Variants in PCCB observed in about 807,000 individuals in gnomAD.
The protein encoded by PCCB is propionyl-CoA carboxylase subunit beta, also known as propionyl-CoA carboxylase beta chain, mitochondrial.
Under a neutral mutation model 60.7 loss-of-function variants are expected in PCCB, and 43 were observed. The observed-to-expected ratio is 0.71, with a 90% CI of 0.55 to 0.91. The LOEUF is 0.91. Among genes scored for constraint, PCCB ranks in the 40% least tolerant of loss-of-function variants. PCCB has a pLI of 0.00. For synonymous variants in PCCB, 276 were observed against 255.9 expected (o/e 1.08, Z -0.75); for missense variants, 766 against 702.8 (o/e 1.09, Z -1.02).
intron 6 of PCCB, among the ~76,000 whole-genome samples, chr3:136,286,426 G>T (rs184969874): frequency 6.6e-6 from 1 of 152,024 alleles, no homozygotes; most frequent in African/African-American, 2.4e-5. Context: ...GACTTTAATG[G>T]GTATCTCAAA....
chr3:136,277,684 C>T (rs1269816196), intron 5 of PCCB, among the ~76,000 whole-genome samples: 1 of 152,148 alleles, frequency 6.6e-6, no homozygotes, highest in African/African-American at 2.4e-5. Flanking sequence ...GAAGAGATCG[C>T]ACAGTGTGTG....
rs551165301 is a variant in PCCB, at chr3:136,265,858, C to T, written c.543+3793C>T. ...TTTTTTTTTTTGAGACAGAGTCTTG[C>T]CCTGTCGCCCAGGCTGGAGTGCAGT... On this transcript the variant is annotated intron_variant, in intron 5 of 14. Transcript: ENST00000251654. 1.2e-4 allele frequency among the ~76,000 whole-genome samples: 18 copies of T among 150,562 alleles called. No homozygotes were observed. The South Asian group carries it at 3.8e-3, about 32-fold the overall frequency.
At chr3:136,311,524 A>G (rs1934666527) in intron 9 of PCCB, among the ~76,000 whole-genome samples, 1 of 151,654 alleles carries the variant, frequency 6.6e-6, no homozygotes, top group African/African-American at 2.4e-5. Flanking sequence ...TTTTTTTTGT[A>G]GGAAGAATTC....
At position 136,264,430 on chromosome 3, in the gene PCCB, ATG is replaced by A. The variant is rs144141514; in HGVS notation, c.543+2375_543+2376del. Among the ~76,000 whole-genome samples, 20 of 129,334 alleles carry A rather than the reference ATG, an allele frequency of 1.5e-4. 1 individual carries two copies. The highest frequency in any genetic ancestry group is 4.8e-4 in the South Asian group (2 of 4,124). 84.8% of individuals were successfully genotyped at this position (129,334 alleles called of 152,430 possible). On this transcript the variant is annotated intron_variant, in intron 5 of 14. Transcript: ENST00000251654. ...CTTTCTGTCTCTGTCTCTCATATAT[ATG>A]TGTGTGTGTATATATGTATATATAT...
intron 1 of PCCB, among the ~76,000 whole-genome samples, chr3:136,255,024 A>C (rs1941631654): frequency 6.6e-6 from 1 of 151,810 alleles, no homozygotes; most frequent in East Asian, 1.9e-4. Flanking sequence ...AGACAGGCGC[A>C]TGCCACCACA....
At chr3:136,267,045 G>A (rs1276839407) in intron 5 of PCCB, among the ~76,000 whole-genome samples, 1 of 152,096 alleles carries the variant, frequency 6.6e-6, no homozygotes, top group Non-Finnish European at 1.5e-5. Flanking sequence ...ACCACGTCCA[G>A]CTAATTTCTT....
chr3:136,322,846 T>C (rs1019674511), intron 10 of PCCB, among the ~76,000 whole-genome samples: 5 of 152,314 alleles, frequency 3.3e-5, no homozygotes, highest in Non-Finnish European at 5.9e-5. Flanking sequence ...TTTTCTCTCA[T>C]TTTTGAAGGA....
Position 136,330,149 on chromosome 3 carries a change from T to A in PCCB, c.*123T>A. On this transcript the variant is annotated 3_prime_UTR_variant, in exon 15 of 15. Transcript: ENST00000251654. ...GTTGGATAACTTAGAATAACTAAGT[T>A]TATTAAATTCTAGAAAGATCTCTTT... The A allele has an allele frequency of 6.4e-7, 1 of 1,554,978 alleles. No homozygotes were observed. The highest frequency in any genetic ancestry group is 8.7e-7 in the Non-Finnish European group (1 of 1,143,612).
chr3:136,264,448 G>GTGTATATATATATATATATATA lies in PCCB; in HGVS notation c.543+2384_543+2385insGTATATATATATATATATATAT, dbSNP rs1015530159. The stretch of plus-strand genomic sequence containing the variant: ...CATATATATGTGTGTGTGTATATAT[G>GTGTATATATATATATATATATA]TATATATATATATGTTCCTCCTGGC... On this transcript the variant is annotated intron_variant, in intron 5 of 14. Transcript: ENST00000251654. Among the ~76,000 whole-genome samples, 49 of 107,290 alleles carry GTGTATATATATATATATATATA rather than the reference G, an allele frequency of 4.6e-4. 1 individual carries two copies. Among genetic ancestry groups the GTGTATATATATATATATATATA allele is most frequent in the African/African-American group, 1.4e-3 (48 of 33,232 alleles). 70.4% of individuals were successfully genotyped at this position (107,290 alleles called of 152,430 possible). A position where few individuals can be genotyped will look rare whatever the true frequency, so the allele number is the denominator to read the frequency against.
rs367976627 is a variant in PCCB, at chr3:136,253,566, G to A, written c.184-2290G>A. Among the ~76,000 whole-genome samples, 94 of 151,408 alleles carry A rather than the reference G, an allele frequency of 6.2e-4. 1 individual carries two copies. In the South Asian group the frequency reaches 0.013, roughly 20 times the overall value. On this transcript the variant is annotated intron_variant, in intron 1 of 14. Transcript: ENST00000251654. Reference sequence around the variant, plus strand: ...CACCTGGCTAATTTTTGTATTTTTAGTAGAGACGGGGTTTCACCATGTTGA... The same window carrying A: ...CACCTGGCTAATTTTTGTATTTTTAATAGAGACGGGGTTTCACCATGTTGA...
chr3:136,290,888 G>T (rs1266379986), intron 6 of PCCB, among the ~76,000 whole-genome samples: 2 of 150,124 alleles, frequency 1.3e-5, no homozygotes, highest in African/African-American at 2.5e-5. Context: ...GTTTTGTTTT[G>T]TTTTTTTTGA....
At position 136,326,881 on chromosome 3, in the gene PCCB, C is replaced by CT. The variant is rs587776758; in HGVS notation, c.1173dup (p.Val392CysfsTer2). 1.3e-5 allele frequency: 21 copies of CT among 1,612,016 alleles called. No individual in the cohort carries two copies. The highest frequency in any genetic ancestry group is 1.6e-4 in the Middle Eastern group (1 of 6,082). ...GATGCATTCAATATTCCACTCATCA[C>CT]TTTTGTTGATGTCCCTGGCTTTCTA... On this transcript the variant is annotated frameshift_variant, in exon 11 of 15. Transcript: ENST00000251654. LOFTEE classifies it high-confidence loss of function.
At chr3:136,311,771 G>A (rs927598456) in intron 9 of PCCB, among the ~76,000 whole-genome samples, 1 of 152,112 alleles carries the variant, frequency 6.6e-6, no homozygotes, top group African/African-American at 2.4e-5. Flanking sequence ...ACCATCCTGG[G>A]CAACATAGTG....
chr3:136,260,286 C>T, intron 3 of PCCB, 193 bp from the exon 4 acceptor site: 1 of 673,220 alleles, frequency 1.5e-6, no homozygotes, highest in South Asian at 1.5e-5. Context: ...CCATGTCGCC[C>T]AGGCTGGTCT....
intron 10 of PCCB, among the ~76,000 whole-genome samples, chr3:136,319,967 C>T (rs917865159): frequency 1.3e-5 from 2 of 152,212 alleles, no homozygotes; most frequent in Non-Finnish European, 2.9e-5. Flanking sequence ...ATTCTTTCCT[C>T]ATTGAACAGG....
At position 136,256,534 on chromosome 3, in the gene PCCB, A is replaced by AT. The variant is rs555567135; in HGVS notation, c.304-16dup. 7 of 1,591,252 alleles carry AT rather than the reference A, an allele frequency of 4.4e-6. No individual in the cohort carries two copies. The highest frequency in any genetic ancestry group is 6.0e-6 in the Non-Finnish European group (7 of 1,159,292). ...GAAGTATTTGGATTTTTTAACCTTT[A>AT]TTTTTGCATTTTTCTGGTAGTTTCC... On this transcript the variant is annotated intron_variant, in intron 2 of 14. Coordinates refer to ENST00000251654, the MANE Select transcript of PCCB (RefSeq NM_000532.5).
At chr3:136,264,230 G>T (rs1941907135) in intron 5 of PCCB, among the ~76,000 whole-genome samples, 1 of 151,716 alleles carries the variant, frequency 6.6e-6, no homozygotes, top group Non-Finnish European at 1.5e-5. Flanking sequence ...TCTTCATTGG[G>T]TATTTCTAAA....
intron 8 of PCCB, among the ~76,000 whole-genome samples, chr3:136,300,754 A>C (rs981322357): frequency 2.0e-5 from 3 of 152,220 alleles, no homozygotes; most frequent in African/African-American, 7.2e-5. Context: ...GGAGGTATTC[A>C]GAGAAGATAA....
intron 5 of PCCB, among the ~76,000 whole-genome samples, chr3:136,262,954 G>GTTT (rs570598390): frequency 4.1e-5 from 5 of 122,870 alleles, no homozygotes; most frequent in Non-Finnish European, 6.8e-5. Flanking sequence ...TCTGGAGGAG[G>GTTT]TTTTTTTTTT....
Sources: gnomAD v4.1 joint callset for allele counts (sites outside exome capture counted in the v4.1 genomes callset) on GRCh38, gnomAD v4.1.1 for gene constraint, MANE v1.5 for transcripts, NCBI Gene and HGNC (gene_info 2026-07-23, HGNC 2026-07-21) for gene names.